Variants in MFAP3L observed in about 807,000 individuals in gnomAD.
The protein encoded by MFAP3L is microfibrillar-associated protein 3-like.
Under a neutral mutation model 20.0 loss-of-function variants are expected in MFAP3L, and 5 were observed. That is an observed-to-expected ratio of 0.25 (90% CI 0.13 to 0.53). MFAP3L has a LOEUF of 0.53. Ranked by LOEUF, MFAP3L falls within the 20% of genes least tolerant of loss-of-function variation. The probability of loss-of-function intolerance (pLI) is 0.96; values close to 1 mark genes in which losing one functional copy is unlikely to be tolerated. For synonymous variants in MFAP3L, 219 were observed against 213.0 expected, an observed-to-expected ratio of 1.03 and a Z score of -0.25; for missense variants, 409 against 527.5, an observed-to-expected ratio of 0.78 and a Z score of 2.20.
At chr4:169,997,216 G>T (rs1738243419) in intron 2 of MFAP3L, among the ~76,000 whole-genome samples, 1 of 152,088 alleles carries the variant, frequency 6.6e-6, no homozygotes, top group African/African-American at 2.4e-5. Flanking sequence ...CATAAAATTA[G>T]AAGTATAAAA....
chr4:170,006,114 A>AC (rs1739016566), intron 1 of MFAP3L, 104 bp from the exon 2 acceptor site: 3 of 821,686 alleles, frequency 3.7e-6, no homozygotes. Flanking sequence ...ACATCAACAT[A>AC]CTTTTTTTTT....
chr4:170,015,358 G>A (rs753155988), intron 1 of MFAP3L, among the ~76,000 whole-genome samples: 6 of 152,156 alleles, frequency 3.9e-5, no homozygotes, highest in African/African-American at 4.8e-5. Context: ...GGGAAGAAAC[G>A]GTGAGGGGTA....
At chr4:170,000,982 C>A (rs921231887) in intron 2 of MFAP3L, among the ~76,000 whole-genome samples, 4 of 152,134 alleles carry the variant, frequency 2.6e-5, no homozygotes. Flanking sequence ...CTTGGCCTCC[C>A]AAAGTGCTGG....
At chr4:170,015,496 G>C (rs1005962650) in intron 1 of MFAP3L, among the ~76,000 whole-genome samples, 1 of 152,240 alleles carries the variant, frequency 6.6e-6, no homozygotes, top group Non-Finnish European at 1.5e-5. Flanking sequence ...CACAGACACA[G>C]CTTGTGCGCC....
At position 170,011,136 on chromosome 4, in the gene MFAP3L, C is replaced by T. The variant is rs554391379; in HGVS notation, c.-133-5126G>A. Among the ~76,000 whole-genome samples, 9 of 152,314 alleles carry T rather than the reference C, an allele frequency of 5.9e-5. 1 individual carries two copies. The highest frequency in any genetic ancestry group is 2.2e-4 in the African/African-American group (9 of 41,574). ...GCCTTTGCTTCTCCTTTGCCTTCCA[C>T]CATGATTCTGAGGCCTCCCCAGCCA... On this transcript the variant is annotated intron_variant, in intron 1 of 2. Coordinates refer to ENST00000361618, the MANE Select transcript of MFAP3L (RefSeq NM_021647.8).
chr4:170,002,193 T>C (rs1235769654), intron 2 of MFAP3L: 12 of 985,194 alleles, frequency 1.2e-5, no homozygotes, highest in Admixed American at 6.2e-5. Flanking sequence ...TCAGTCTGAG[T>C]GAGAGGCTCT....
chr4:169,991,370 G>C lies in MFAP3L; in HGVS notation c.*8C>G, dbSNP rs753574769. ...TTTCTTGATATGCATAGCTTTTCGG[G>C]GTTGGTATTAGACATGGCTTTCGTA... On this transcript the variant is annotated 3_prime_UTR_variant, in exon 3 of 3. Transcript: ENST00000361618. This position sits in a 1 kb window ranked among gnomAD's most constrained non-coding sequence, Gnocchi z 4.9. The C allele has an allele frequency of 2.1e-5, 34 of 1,607,998 alleles. No individual in the cohort carries two copies. The highest frequency in any genetic ancestry group is 1.9e-4 in the Admixed American group (11 of 59,382).
At chr4:170,015,128 C>G (rs577365869) in intron 1 of MFAP3L, among the ~76,000 whole-genome samples, 1 of 152,220 alleles carries the variant, frequency 6.6e-6, no homozygotes, top group South Asian at 2.1e-4. Context: ...AACAGAAATT[C>G]TGGGGTGATG....
At chr4:170,010,632 AAC>A (rs1472670986) in intron 1 of MFAP3L, among the ~76,000 whole-genome samples, 1 of 152,218 alleles carries the variant, frequency 6.6e-6, no homozygotes, top group East Asian at 1.9e-4. Flanking sequence ...TTTTCTTAAT[AAC>A]AGTCTTTTCT....
Position 169,989,588 on chromosome 4 carries a change from T to C in MFAP3L, c.*1790A>G, listed in dbSNP as rs1560957568. On this transcript the variant is annotated 3_prime_UTR_variant, in exon 3 of 3. Transcript: ENST00000361618. ...AGACCCTCGAGTACTACCTGCATAT[T>C]TTACAGATGAAAAAGATTAAATCCC... is the stretch of plus-strand genomic sequence containing the variant. 1 of 152,190 alleles carries C rather than the reference T, an allele frequency of 6.6e-6. No individual in the cohort carries two copies. Among genetic ancestry groups the C allele is most frequent in the Non-Finnish European group, 1.5e-5 (1 of 68,040 alleles). 9.4% of individuals were successfully genotyped at this position (152,190 alleles called of 1,614,324 possible). A position where few individuals can be genotyped will look rare whatever the true frequency, so the allele number is the denominator to read the frequency against.
At position 169,991,188 on chromosome 4, in the gene MFAP3L, G is replaced by A. The variant is rs764089553; in HGVS notation, c.*190C>T. ...TCAATTCTGCACCCTGATGTTTCTC[G>A]CACCCTTCTCTACTGGGGAAATTCC... is the stretch of plus-strand genomic sequence containing the variant. On this transcript the variant is annotated 3_prime_UTR_variant, in exon 3 of 3. Transcript: ENST00000361618. This position sits in a 1 kb window ranked among gnomAD's most constrained non-coding sequence, Gnocchi z 4.9. The A allele has an allele frequency of 3.6e-4, 225 of 616,528 alleles. 1 individual carries two copies. The highest frequency in any genetic ancestry group is 3.3e-3 in the East Asian group (117 of 35,954). 38.2% of individuals were successfully genotyped at this position (616,528 alleles called of 1,614,324 possible). A position where few individuals can be genotyped will look rare whatever the true frequency, so the allele number is the denominator to read the frequency against.
At position 169,992,431 on chromosome 4, in the gene MFAP3L, C is replaced by T. The variant is rs1359844873; in HGVS notation, c.299-122G>A. ...GAACATCTATGAAGTCTATGAACGT[C>T]GACTTCACATGCTTACTATGCGGCA... On this transcript the variant is annotated intron_variant, in intron 2 of 2. Transcript: ENST00000361618. The surrounding 1 kb of genome is among the most constrained non-coding windows in gnomAD (Gnocchi z 4.3). The T allele has an allele frequency of 7.1e-6, 6 of 842,306 alleles. No individual in the cohort carries two copies. Among genetic ancestry groups the T allele is most frequent in the Admixed American group, 2.7e-5 (1 of 37,198 alleles). 52.2% of individuals were successfully genotyped at this position (842,306 alleles called of 1,614,324 possible). A position where few individuals can be genotyped will look rare whatever the true frequency, so the allele number is the denominator to read the frequency against.
At position 169,997,153 on chromosome 4, in the gene MFAP3L, T is replaced by C. The variant is rs1208283288; in HGVS notation, c.299-4844A>G. 2.6e-5 allele frequency among the ~76,000 whole-genome samples: 4 copies of C among 152,146 alleles called. No homozygotes were observed. In the East Asian group the frequency reaches 5.8e-4, roughly 22 times the overall value. ...CATTTGCAAGAAAATAAAGGCAAAT[T>C]CCTACTTTATGTGATACATAAAAAT... On this transcript the variant is annotated intron_variant, in intron 2 of 2. Transcript: ENST00000361618.
chr4:170,003,680 A>T (rs1347484241), intron 2 of MFAP3L: 1 of 985,314 alleles, frequency 1.0e-6, no homozygotes, highest in African/African-American at 1.7e-5. Flanking sequence ...CCTTTGCTTT[A>T]GGGTCCATGT....
Position 170,019,963 on chromosome 4 carries a change from A to C in MFAP3L, c.-134+6271T>G, listed in dbSNP as rs1386408776. 3.9e-5 allele frequency among the ~76,000 whole-genome samples: 6 copies of C among 152,334 alleles called. No homozygotes were observed. In the East Asian group the frequency reaches 7.7e-4, roughly 20 times the overall value. ...TAGCAAGTCCCCAATGCTTCAGTCC[A>C]AAAGCTGAGGGTCCATCAGGGAGTT... On this transcript the variant is annotated intron_variant, in intron 1 of 2. Transcript: ENST00000361618.
intron 1 of MFAP3L, among the ~76,000 whole-genome samples, chr4:170,023,569 G>A (rs773912496): frequency 8.5e-5 from 13 of 152,114 alleles, no homozygotes; most frequent in Admixed American, 1.3e-4. Flanking sequence ...ATTTCTAACC[G>A]CAATGTGATA....
At chr4:170,026,559 G>C (rs1730446024), upstream of MFAP3L, 1 of 151,110 alleles carries the variant, frequency 6.6e-6, no homozygotes, top group Admixed American at 6.6e-5. Flanking sequence ...CGAGCCAGTC[G>C]GTGCTGCGGA....
In MFAP3L at chr4:169,991,558, C is replaced by T. The variant is rs750165105; in HGVS notation, c.1050G>A (p.Ala350=). The change falls in exon 3 of 3, where the codon GCG becomes GCA. Residue 350 remains alanine, a synonymous_variant. Transcript: ENST00000361618. This position sits in a 1 kb window ranked among gnomAD's most constrained non-coding sequence, Gnocchi z 4.9. The stretch of plus-strand genomic sequence containing the variant: ...GTTCTGCAGTTTCGGGGGAATGTTC[C>T]GCCGACAGTTCTGTCTCCTCTACAT... The part of the protein sequence containing the change: ...VKDVEETELS[A]EHSPETAEPS... The T allele has an allele frequency of 2.0e-5, 32 of 1,613,982 alleles. No homozygotes were observed. The Admixed American group carries it at 2.0e-4, about 10-fold the overall frequency.
intron 1 of MFAP3L, among the ~76,000 whole-genome samples, chr4:170,015,371 G>C (rs931650457): frequency 6.6e-6 from 1 of 152,172 alleles, no homozygotes; most frequent in African/African-American, 2.4e-5. Context: ...GAGGGGTAAA[G>C]AGAAAAGGGA....
Sources: gnomAD v4.1 joint callset for allele counts (sites outside exome capture counted in the v4.1 genomes callset) on GRCh38, gnomAD v4.1.1 for gene constraint, Gnocchi (gnomAD v3.1) non-coding constraint, MANE v1.5 for transcripts, NCBI Gene and HGNC (gene_info 2026-07-23, HGNC 2026-07-21) for gene names.